MGA: variants seen among roughly 807,000 people sequenced by gnomAD.
MGA encodes the protein MAX gene-associated protein.
Under a neutral mutation model 261.1 loss-of-function variants are expected in MGA, and 40 were observed. The observed-to-expected ratio is 0.15, with a 90% CI of 0.12 to 0.20. The LOEUF is 0.20. Ranked by LOEUF, MGA falls within the 10% of genes least tolerant of loss-of-function variation. The pLI, the probability that MGA is intolerant of heterozygous loss-of-function variation, is 1.00. For synonymous variants in MGA, 1,302 were observed against 1,290.6 expected (o/e 1.01, Z -0.19); for missense variants, 3,397 against 3,630.5 (o/e 0.94, Z 1.65).
chr15:41,682,154 T>A (rs2058716430), intron 2 of MGA, among the ~76,000 whole-genome samples: 1 of 152,134 alleles, frequency 6.6e-6, no homozygotes, highest in Non-Finnish European at 1.5e-5. Flanking sequence ...TGACCTCAGG[T>A]GATCTGCCTG....
intron 5 of MGA, among the ~76,000 whole-genome samples, chr15:41,704,005 GT>G (rs2059985362): frequency 6.6e-6 from 1 of 152,018 alleles, no homozygotes; most frequent in Admixed American, 6.6e-5. Flanking sequence ...TAGAGATGGG[GT>G]TTTGCCATGT....
intron 2 of MGA, among the ~76,000 whole-genome samples, chr15:41,678,476 A>C (rs892745543): frequency 6.6e-6 from 1 of 150,946 alleles, no homozygotes; most frequent in Non-Finnish European, 1.5e-5. Context: ...CATTGAAAAG[A>C]CTGTCCTGGC....
chr15:41,762,527 G>A (rs2063539554), intron 22 of MGA, among the ~76,000 whole-genome samples, 165 bp downstream of exon 22: 1 of 119,642 alleles, frequency 8.4e-6, no homozygotes, highest in African/African-American at 3.2e-5. Flanking sequence ...CAGTTGCAGT[G>A]ATGTGATCTC....
At chr15:41,656,384 C>G (rs1373681552), upstream of MGA, among the ~76,000 whole-genome samples, 14 of 96,656 alleles carry the variant, frequency 1.4e-4, no homozygotes, top group South Asian at 1.4e-3. Flanking sequence ...CTCTCACACC[C>G]AGGCTGGAGT....
intron 9 of MGA, among the ~76,000 whole-genome samples, chr15:41,720,348 C>T (rs2060875458): frequency 6.6e-6 from 1 of 152,072 alleles, no homozygotes; most frequent in African/African-American, 2.4e-5. Context: ...CCTGCCTGAG[C>T]AACATAGCAA....
At chr15:41,693,047 C>T (rs1051703285) in intron 2 of MGA, among the ~76,000 whole-genome samples, 1 of 152,052 alleles carries the variant, frequency 6.6e-6, no homozygotes, top group Non-Finnish European at 1.5e-5. Context: ...CATGTTGCCC[C>T]CAGAGTGGTC....
intron 17 of MGA, among the ~76,000 whole-genome samples, chr15:41,752,563 T>G (rs1188310275): frequency 6.7e-6 from 1 of 148,876 alleles, no homozygotes; most frequent in African/African-American, 2.5e-5. Flanking sequence ...TTTTTTTTTT[T>G]TTTTTTTTTT....
At chr15:41,709,112 C>T (rs999138045) in intron 7 of MGA, among the ~76,000 whole-genome samples, 2 of 151,956 alleles carry the variant, frequency 1.3e-5, no homozygotes, top group African/African-American at 4.8e-5. Context: ...TTTGGGAGGC[C>T]GAAGCAAGCG....
chr15:41,726,856 GATATTAT>G (rs1372318598), intron 9 of MGA, among the ~76,000 whole-genome samples: 7 of 151,770 alleles, frequency 4.6e-5, no homozygotes, highest in African/African-American at 1.7e-4. Flanking sequence ...ACCATTACTT[GATATTAT>G]ATATTTATGG....
chr15:41,632,114 G>T (rs901673473), intron 1 of MGA, among the ~76,000 whole-genome samples: 4 of 152,056 alleles, frequency 2.6e-5, no homozygotes, highest in African/African-American at 9.7e-5. Flanking sequence ...TCCCTCATAC[G>T]CAACTTGTTT....
chr15:41,679,251 G>C (rs2058542571), intron 2 of MGA, among the ~76,000 whole-genome samples: 1 of 152,092 alleles, frequency 6.6e-6, no homozygotes, highest in South Asian at 2.1e-4. Flanking sequence ...TGGCCAGGCT[G>C]GTCTTAAACC....
At chr15:41,679,562 A>T (rs1595688622) in intron 2 of MGA, among the ~76,000 whole-genome samples, 1 of 152,060 alleles carries the variant, frequency 6.6e-6, no homozygotes, top group Non-Finnish European at 1.5e-5. Context: ...ATGCTATTAT[A>T]TATTGAGTGA....
Position 41,758,180 on chromosome 15 carries a change from A to AT in MGA, c.7191+344dup, listed in dbSNP as rs199511571. On this transcript the variant is annotated intron_variant, in intron 19 of 23. Transcript: ENST00000219905. The stretch of plus-strand genomic sequence containing the variant: ...TTGCTTGGGCTCATGATTTTAAGTG[A>AT]TTTAAAAAACTATGCTCTGCAAAAT... Among the ~76,000 whole-genome samples, 6 of 152,220 alleles carry AT rather than the reference A, an allele frequency of 3.9e-5. No homozygotes were observed. The East Asian group carries it at 1.2e-3, about 29-fold the overall frequency.
At chr15:41,667,436 G>T (rs577745410) in intron 1 of MGA, among the ~76,000 whole-genome samples, 3 of 152,164 alleles carry the variant, frequency 2.0e-5, no homozygotes, top group Admixed American at 6.5e-5. Context: ...AGTAGAGACA[G>T]GGTTTCACCA....
intron 6 of MGA, 107 bp downstream of exon 6, chr15:41,707,966 A>G (rs2060202072): frequency 7.1e-7 from 1 of 1,413,796 alleles, no homozygotes; most frequent in African/African-American, 1.4e-5. Flanking sequence ...ACATTAGTCT[A>G]AGATAGATCT....
chr15:41,665,721 C>G (rs1339011748), intron 1 of MGA, among the ~76,000 whole-genome samples: 1 of 152,000 alleles, frequency 6.6e-6, no homozygotes, highest in Admixed American at 6.6e-5. Flanking sequence ...ACATATAATT[C>G]ATCATTTTAA....
chr15:41,742,255 G>A (rs910614360), intron 14 of MGA, among the ~76,000 whole-genome samples: 36 of 151,916 alleles, frequency 2.4e-4, no homozygotes, highest in Admixed American at 1.5e-3. Context: ...GGGTTTGGTG[G>A]TATGTGCCTG....
chr15:41,760,579 C>A (rs2151995131), intron 20 of MGA, 50 bp downstream of exon 20: 1 of 1,563,544 alleles, frequency 6.4e-7, no homozygotes, highest in Non-Finnish European at 8.8e-7. Flanking sequence ...GAGATTCTTA[C>A]CGATGATATG....
intron 1 of MGA, among the ~76,000 whole-genome samples, chr15:41,628,414 T>G (rs1044152558): frequency 7.8e-6 from 1 of 127,960 alleles, no homozygotes; most frequent in Admixed American, 7.9e-5. Context: ...ATACAAGAGA[T>G]AGAGAGTGGT....
Sources: gnomAD v4.1 joint callset for allele counts (sites outside exome capture counted in the v4.1 genomes callset) on GRCh38, gnomAD v4.1.1 for gene constraint, MANE v1.5 for transcripts, NCBI Gene and HGNC (gene_info 2026-07-23, HGNC 2026-07-21) for gene names.